Variants in CLEC16A observed in about 807,000 individuals in gnomAD.
The protein encoded by CLEC16A is protein CLEC16A.
In CLEC16A, 51 loss-of-function variants were observed where a neutral mutation model predicts 109.5. That is an observed-to-expected ratio of 0.47 (90% CI 0.37 to 0.59). The LOEUF (loss-of-function observed/expected upper bound fraction) is 0.59. Among genes scored for constraint, CLEC16A ranks in the 20% least tolerant of loss-of-function variants. The pLI, the probability that CLEC16A is intolerant of heterozygous loss-of-function variation, is 0.00. For missense variants in CLEC16A, 1,339 were observed against 1,394.0 expected, an observed-to-expected ratio of 0.96 and a Z score of 0.63; for synonymous variants, 673 against 564.2, an observed-to-expected ratio of 1.19 and a Z score of -2.73.
intron 22 of CLEC16A, among the ~76,000 whole-genome samples, chr16:11,131,204 A>G (rs973444788): frequency 6.6e-6 from 1 of 152,134 alleles, no homozygotes; most frequent in Non-Finnish European, 1.5e-5. Flanking sequence ...TAGCCTGAGC[A>G]CTCTGTGGCT....
chr16:11,178,847 C>T lies in CLEC16A; in HGVS notation c.*157C>T. The T allele has an allele frequency of 1.7e-6, 1 of 573,486 alleles. No homozygotes were observed. The highest frequency in any genetic ancestry group is 1.9e-5 in the African/African-American group (1 of 53,106). 35.5% of individuals were successfully genotyped at this position (573,486 alleles called of 1,614,324 possible). On this transcript the variant is annotated 3_prime_UTR_variant, in exon 24 of 24. Coordinates refer to ENST00000409790, the MANE Select transcript of CLEC16A (RefSeq NM_015226.3). The surrounding 1 kb of genome is among the most constrained non-coding windows in gnomAD (Gnocchi z 6.5). ...TGCGCTCCCTTGAATGGGAAGAAGCCCCACGTTGTCCTTGAATTCCTTTTT... is the reference window on the plus strand; with the variant it reads ...TGCGCTCCCTTGAATGGGAAGAAGCTCCACGTTGTCCTTGAATTCCTTTTT...
In CLEC16A at chr16:11,061,111, T is replaced by C. The variant is rs2048457444; in HGVS notation, c.2116+89T>C. On this transcript the variant is annotated intron_variant, in intron 19 of 23. Coordinates refer to ENST00000409790, the MANE Select transcript of CLEC16A (RefSeq NM_015226.3). ...GCTGATTCACACGCCACTGGGAGGGTCAGTGTGCAACCTACATTTTGTACT... is the reference window on the plus strand; with the variant it reads ...GCTGATTCACACGCCACTGGGAGGGCCAGTGTGCAACCTACATTTTGTACT... The C allele has an allele frequency of 7.2e-6, 10 of 1,390,880 alleles. No homozygotes were observed. In the South Asian group the frequency reaches 1.5e-4, roughly 21 times the overall value. The allele number at this position is 1,390,880 out of a possible 1,614,324, so 86.2% of individuals were successfully genotyped here.
intron 9 of CLEC16A, among the ~76,000 whole-genome samples, chr16:10,979,814 T>TA (rs1049107409): frequency 6.6e-6 from 1 of 152,180 alleles, no homozygotes; most frequent in Non-Finnish European, 1.5e-5. Context: ...AGTCTATTGT[T>TA]AAAGGGCTTT....
chr16:11,091,608 G>A (rs536041180), intron 19 of CLEC16A, among the ~76,000 whole-genome samples: 116 of 152,292 alleles, frequency 7.6e-4, no homozygotes, highest in Non-Finnish European at 1.2e-3. Flanking sequence ...GAGTCTGACC[G>A]CCAGCATTCA....
chr16:11,047,005 C>G (rs2047668392), intron 16 of CLEC16A, among the ~76,000 whole-genome samples: 1 of 150,340 alleles, frequency 6.7e-6, no homozygotes, highest in Non-Finnish European at 1.5e-5. Context: ...ATATTTTAAT[C>G]CTACATAGTA....
In CLEC16A at chr16:11,165,203, C is replaced by T. The variant is rs778283960; in HGVS notation, c.2642-1185C>T. ...GGGCTTTGATTTATCGTAAAGAACA[C>T]GTATCGGCCAGGTGTGGTGACACAC... On this transcript the variant is annotated intron_variant, in intron 22 of 23. Transcript: ENST00000409790. Among the ~76,000 whole-genome samples the T allele has an allele frequency of 5.3e-5, 8 of 152,078 alleles. No homozygotes were observed. In the South Asian group the frequency reaches 1.0e-3, roughly 20 times the overall value.
At chr16:11,088,605 G>A (rs974336038) in intron 19 of CLEC16A, among the ~76,000 whole-genome samples, 1 of 152,224 alleles carries the variant, frequency 6.6e-6, no homozygotes, top group East Asian at 1.9e-4. Context: ...GGCAGGAAGT[G>A]CACCAGGCCC....
intron 7 of CLEC16A, 94 bp downstream of exon 7, chr16:10,973,155 C>A: frequency 7.2e-7 from 1 of 1,385,410 alleles, no homozygotes; most frequent in South Asian, 1.4e-5. Flanking sequence ...AAGAACCGCA[C>A]TTCCCTACCT....
At chr16:11,077,964 CGTGTGTGTGTGTGTGTGTGTGTGT>C (rs34576806) in intron 19 of CLEC16A, among the ~76,000 whole-genome samples, 5 of 135,622 alleles carry the variant, frequency 3.7e-5, no homozygotes, top group East Asian at 4.3e-4. Context: ...CAAAAAAAAA[CGTGTGTGTGTGTGTGTGTGTGTGT>C]GTGTGTGTGT....
At chr16:10,968,381 C>T (rs2042615408) in intron 3 of CLEC16A, among the ~76,000 whole-genome samples, 1 of 152,228 alleles carries the variant, frequency 6.6e-6, no homozygotes, top group African/African-American at 2.4e-5. Flanking sequence ...AAAGCCCTCA[C>T]CATACTGGCC....
intron 13 of CLEC16A, among the ~76,000 whole-genome samples, chr16:11,031,151 C>T (rs1325162186): frequency 4.6e-5 from 7 of 152,218 alleles, no homozygotes; most frequent in Non-Finnish European, 8.8e-5. Context: ...CCCAGCCTAC[C>T]GCCTGGCACT....
rs572552025 is a variant in CLEC16A at position 11,090,794 on chromosome 16, G to A, written c.2116+29772G>A. Among the ~76,000 whole-genome samples the A allele has an allele frequency of 9.4e-5, 14 of 148,566 alleles. No individual in the cohort carries two copies. The South Asian group carries it at 1.3e-3, about 14-fold the overall frequency. On this transcript the variant is annotated intron_variant, in intron 19 of 23. Transcript: ENST00000409790. ...CAAGTAGCTGGGATTACAGGCATGC[G>A]CTACCATACCCAGCTAATTTTTTTT...
intron 19 of CLEC16A, among the ~76,000 whole-genome samples, chr16:11,077,548 T>C (rs2049448444): frequency 6.6e-6 from 1 of 151,526 alleles, no homozygotes; most frequent in Non-Finnish European, 1.5e-5. Flanking sequence ...TTTCAGCTAC[T>C]TGGGAGGTTG....
intron 18 of CLEC16A, chr16:11,056,856 C>A (rs2048237873): frequency 6.6e-6 from 1 of 152,156 alleles, no homozygotes; most frequent in Admixed American, 6.5e-5. Context: ...TGTGGTCTTG[C>A]TTTCATCCCT....
At chr16:10,990,348 G>C (rs2043929418) in intron 10 of CLEC16A, among the ~76,000 whole-genome samples, 1 of 152,234 alleles carries the variant, frequency 6.6e-6, no homozygotes. Context: ...TGCAACATGA[G>C]GTCCGGTACT....
chr16:11,039,346 A>T (rs1187307758), intron 13 of CLEC16A, among the ~76,000 whole-genome samples: 1 of 152,208 alleles, frequency 6.6e-6, no homozygotes, highest in African/African-American at 2.4e-5. Context: ...ACTGGCAATT[A>T]TTGCATCAAT....
Position 11,051,635 on chromosome 16 carries a change from C to G in CLEC16A, c.1989C>G (p.Thr663=). The G allele has an allele frequency of 6.2e-7, 1 of 1,613,880 alleles. No individual in the cohort carries two copies. Among genetic ancestry groups the G allele is most frequent in the South Asian group, 1.1e-5 (1 of 91,074 alleles). ...TGCCGTGTGGCGATGTGGAGAAGAC[C>G]CGGCGGGTGAGTGAGCACAGGACCT... ...KRLPCGDVEK[T]RRAIRVFFML... The change falls in exon 18 of 24, where the codon ACC becomes ACG. Residue 663 remains threonine (T), a synonymous_variant. Coordinates refer to ENST00000409790, the MANE Select transcript of CLEC16A (RefSeq NM_015226.3).
At chr16:11,140,075 G>A (rs868357561) in intron 22 of CLEC16A, among the ~76,000 whole-genome samples, 2 of 152,140 alleles carry the variant, frequency 1.3e-5, no homozygotes, top group African/African-American at 4.8e-5. Context: ...CTCTTCTACC[G>A]GCTTCCTGAG....
chr16:10,962,812 A>G (rs1179492128), intron 3 of CLEC16A, among the ~76,000 whole-genome samples: 1 of 152,200 alleles, frequency 6.6e-6, no homozygotes, highest in Admixed American at 6.5e-5. Context: ...TAACCCCAGC[A>G]CTTAGGAGGC....
Sources: allele counts gnomAD v4.1 joint callset (sites outside exome capture counted in the v4.1 genomes callset), GRCh38; gene constraint gnomAD v4.1.1; non-coding constraint Gnocchi (gnomAD v3.1); transcripts MANE v1.5; gene names NCBI Gene and HGNC (gene_info 2026-07-23, HGNC 2026-07-21).